Variants in RAB2A observed in about 807,000 individuals in gnomAD.
The protein encoded by RAB2A is ras-related protein Rab-2A.
A neutral mutation model predicts 32.5 loss-of-function variants in RAB2A; 7 were observed. The observed-to-expected ratio is 0.22, with a 90% CI of 0.12 to 0.40. RAB2A has a LOEUF of 0.40. RAB2A is among the 10% of genes least tolerant of loss of function. The probability of loss-of-function intolerance (pLI) is 1.00; values close to 1 mark genes in which losing one functional copy is unlikely to be tolerated. For missense variants in RAB2A, 108 were observed against 260.7 expected (o/e 0.41, Z 4.03); for synonymous variants, 79 against 85.2 (o/e 0.93, Z 0.40).
At chr8:60,572,808 T>A (rs1808215917) in intron 3 of RAB2A, among the ~76,000 whole-genome samples, 1 of 152,220 alleles carries the variant, frequency 6.6e-6, no homozygotes, top group Non-Finnish European at 1.5e-5. Context: ...GGCTTAAAGG[T>A]ATTAATATTT....
At chr8:60,519,035 G>T (rs188335841) in intron 1 of RAB2A, among the ~76,000 whole-genome samples, 134 of 152,270 alleles carry the variant, frequency 8.8e-4, no homozygotes, top group African/African-American at 3.1e-3. Context: ...TTAATGCTCT[G>T]TTCTCTTGGA....
chr8:60,608,415 G>A (rs939654884), intron 6 of RAB2A, among the ~76,000 whole-genome samples: 1 of 151,482 alleles, frequency 6.6e-6, no homozygotes, highest in East Asian at 1.9e-4. Context: ...CCATGACACC[G>A]TTTTCTTTCT....
chr8:60,583,571 T>C (rs930464197), intron 3 of RAB2A, among the ~76,000 whole-genome samples: 14 of 152,342 alleles, frequency 9.2e-5, no homozygotes, highest in African/African-American at 2.6e-4. Flanking sequence ...AAAAAACTTA[T>C]ATAAATTAAA....
intron 1 of RAB2A, among the ~76,000 whole-genome samples, chr8:60,550,733 AGCCAGTAG>A (rs1277087732): frequency 6.6e-6 from 1 of 152,100 alleles, no homozygotes; most frequent in Non-Finnish European, 1.5e-5. Context: ...TCATTGTAGC[AGCCAGTAG>A]GCCTTTTGGA....
chr8:60,612,871 T>C (rs1326675593), intron 6 of RAB2A, among the ~76,000 whole-genome samples: 1 of 152,230 alleles, frequency 6.6e-6, no homozygotes, highest in Non-Finnish European at 1.5e-5. Context: ...TCCACAGGGC[T>C]GTCCCTACTC....
chr8:60,524,884 C>T (rs1005561884), intron 1 of RAB2A, among the ~76,000 whole-genome samples: 1 of 152,056 alleles, frequency 6.6e-6, no homozygotes, highest in African/African-American at 2.4e-5. Flanking sequence ...TATTTAATCC[C>T]TAAGGTGTAG....
At chr8:60,587,107 T>C (rs998194352) in intron 5 of RAB2A, among the ~76,000 whole-genome samples, 1 of 152,156 alleles carries the variant, frequency 6.6e-6, no homozygotes, top group South Asian at 2.1e-4. Flanking sequence ...AATTTACTAT[T>C]CTACAAATTT....
intron 5 of RAB2A, among the ~76,000 whole-genome samples, chr8:60,587,394 A>G (rs779894918): frequency 6.6e-6 from 1 of 152,212 alleles, no homozygotes; most frequent in African/African-American, 2.4e-5. Context: ...TGTGAGAGCT[A>G]AAACTACTTA....
intron 6 of RAB2A, 132 bp from the exon 7 acceptor site, chr8:60,618,446 CTT>C (rs1174254383): frequency 6.2e-6 from 2 of 320,878 alleles, no homozygotes; most frequent in Non-Finnish European, 1.0e-5. Context: ...TTATTAATAT[CTT>C]TGTTCTTTAT....
At chr8:60,556,764 G>C (rs1004936966) in intron 1 of RAB2A, among the ~76,000 whole-genome samples, 3 of 151,884 alleles carry the variant, frequency 2.0e-5, no homozygotes, top group Non-Finnish European at 4.4e-5. Flanking sequence ...AGTATTACTA[G>C]AGTGATATAT....
chr8:60,536,306 A>G (rs1031216085), intron 1 of RAB2A, among the ~76,000 whole-genome samples: 6 of 142,610 alleles, frequency 4.2e-5, no homozygotes, highest in African/African-American at 1.5e-4. Context: ...TTGTTAATTT[A>G]ATCTGTCAAT....
At chr8:60,605,002 G>T (rs1228204064) in intron 6 of RAB2A, among the ~76,000 whole-genome samples, 1 of 152,214 alleles carries the variant, frequency 6.6e-6, no homozygotes, top group African/African-American at 2.4e-5. Context: ...CTTCACAGGA[G>T]CCCCTCCCTC....
chr8:60,621,071 A>G lies in RAB2A; in HGVS notation c.*302A>G, dbSNP rs1251173358. On this transcript the variant is annotated 3_prime_UTR_variant, in exon 8 of 8. Coordinates refer to ENST00000262646, the MANE Select transcript of RAB2A (RefSeq NM_002865.3). ...GAATTGTATTAAACACTACAAAGTC[A>G]TCTTGAGTATTTTAAATCGGTTTGT... 1 of 238,580 alleles carries G rather than the reference A, an allele frequency of 4.2e-6. No individual in the cohort carries two copies. Among genetic ancestry groups the G allele is most frequent in the Non-Finnish European group, 8.1e-6 (1 of 122,916 alleles). 14.8% of individuals were successfully genotyped at this position (238,580 alleles called of 1,614,324 possible).
At chr8:60,613,441 C>A (rs576213855) in intron 6 of RAB2A, among the ~76,000 whole-genome samples, 20 of 152,284 alleles carry the variant, frequency 1.3e-4, no homozygotes, top group Admixed American at 7.8e-4. Flanking sequence ...GATCATTTAT[C>A]TTTAATACAA....
intron 1 of RAB2A, among the ~76,000 whole-genome samples, chr8:60,524,650 A>T (rs1213863089): frequency 2.0e-5 from 3 of 152,194 alleles, no homozygotes; most frequent in Non-Finnish European, 4.4e-5. Context: ...TAATTTCTGC[A>T]GTGTTTCTTA....
chr8:60,520,693 T>G (rs1807288682), intron 1 of RAB2A, among the ~76,000 whole-genome samples: 1 of 152,230 alleles, frequency 6.6e-6, no homozygotes, highest in Non-Finnish European at 1.5e-5. Context: ...TTTATGCTGG[T>G]CCCCTCCTCT....
chr8:60,608,256 C>A (rs577932799), intron 6 of RAB2A, among the ~76,000 whole-genome samples: 1 of 151,900 alleles, frequency 6.6e-6, no homozygotes, highest in East Asian at 1.9e-4. Flanking sequence ...AGAAAATACA[C>A]CAAAATGTTA....
chr8:60,597,424 C>T (rs141460320), intron 6 of RAB2A, among the ~76,000 whole-genome samples: 241 of 152,180 alleles, frequency 1.6e-3, no homozygotes, highest in Non-Finnish European at 2.8e-3. Flanking sequence ...CGGGTAACAT[C>T]ACACACCAGG....
At chr8:60,617,822 A>G (rs930771548) in intron 6 of RAB2A, among the ~76,000 whole-genome samples, 1 of 152,234 alleles carries the variant, frequency 6.6e-6, no homozygotes, top group African/African-American at 2.4e-5. Flanking sequence ...ATCTAATTCC[A>G]GAACATTTTA....
Sources: gnomAD v4.1 joint callset for allele counts (sites outside exome capture counted in the v4.1 genomes callset) on GRCh38, gnomAD v4.1.1 for gene constraint, MANE v1.5 for transcripts, NCBI Gene and HGNC (gene_info 2026-07-23, HGNC 2026-07-21) for gene names.